FANCM: variants seen among roughly 807,000 people sequenced by gnomAD.
FANCM encodes FA complementation group M.
A neutral mutation model predicts 199.5 loss-of-function variants in FANCM; 140 were observed. That is an observed-to-expected ratio of 0.70 (90% CI 0.61 to 0.81). The LOEUF is 0.81. FANCM is among the 30% of genes least tolerant of loss of function. The pLI is 0.00. For synonymous variants in FANCM, 840 were observed against 836.8 expected (o/e 1.00, Z -0.07); for missense variants, 2,410 against 2,421.4 (o/e 1.00, Z 0.10).
rs745364887 is a variant in FANCM at position 45,196,396 on chromosome 14, C to T, written c.5565C>T (p.Tyr1855=). ...TTTGTCCTCTTAATGGCTGTGATTA[C>T]ATCGTGAGTAATCGCATGGTGGTGG... ...VEVCPLNGCD[Y]IVSNRMVVER... Residue 1855 remains tyrosine (Y), a synonymous_variant, in exon 21 of 23, where the codon TAC becomes TAT. Coordinates refer to ENST00000267430, the MANE Select transcript of FANCM (RefSeq NM_020937.4). 1.2e-6 allele frequency: 2 copies of T among 1,614,078 alleles called. No individual in the cohort carries two copies. Among genetic ancestry groups the T allele is most frequent in the South Asian group, 1.1e-5 (1 of 91,072 alleles).
At chr14:45,142,467 C>T (rs1414400853) in intron 3 of FANCM, among the ~76,000 whole-genome samples, 1 of 151,812 alleles carries the variant, frequency 6.6e-6, no homozygotes, top group South Asian at 2.1e-4. Context: ...CCACCATGCC[C>T]GGCTAATTTT....
intron 4 of FANCM, among the ~76,000 whole-genome samples, 187 bp from the exon 5 acceptor site, chr14:45,151,210 A>G (rs1189812744): frequency 1.3e-5 from 2 of 152,254 alleles, no homozygotes; most frequent in Admixed American, 1.3e-4. Flanking sequence ...GTTGATTTTT[A>G]TATGGATATT....
At chr14:45,187,717 AAT>A in intron 18 of FANCM, 62 bp from the exon 19 acceptor site, 1 of 750,880 alleles carries the variant, frequency 1.3e-6, no homozygotes, top group Non-Finnish European at 2.3e-6. Flanking sequence ...ATTGAAGTTA[AAT>A]ACTTTACTGG....
intron 13 of FANCM, among the ~76,000 whole-genome samples, chr14:45,173,567 T>G (rs759513479): frequency 6.6e-6 from 1 of 152,186 alleles, no homozygotes; most frequent in Non-Finnish European, 1.5e-5. Flanking sequence ...GTTTAGAGAA[T>G]TATAGATTCC....
At position 45,167,066 on chromosome 14, in the gene FANCM, A is replaced by G; in HGVS notation, c.1905A>G (p.Pro635=). The part of the protein sequence containing the change: ...SPRMVPDGIN[P]KLHKMFITHG... ...GAATGGTTCCTGATGGAATCAACCC[A>G]AAATTACACAAAATGTTCATCACAC... Residue 635 remains proline (P), a synonymous_variant, in exon 11 of 23, where the codon CCA becomes CCG. Coordinates refer to ENST00000267430, the MANE Select transcript of FANCM (RefSeq NM_020937.4). The G allele has an allele frequency of 6.2e-7, 1 of 1,613,612 alleles. No homozygotes were observed. The highest frequency in any genetic ancestry group is 8.5e-7 in the Non-Finnish European group (1 of 1,179,552).
chr14:45,152,185 C>T lies in FANCM; in HGVS notation c.1050+657C>T, dbSNP rs568581357. Reference sequence around the variant, plus strand: ...CTGGGACTACAGGCACGCATCACCACGCCTGGCTAATTTTTGTATTTTTTA... The same window carrying T: ...CTGGGACTACAGGCACGCATCACCATGCCTGGCTAATTTTTGTATTTTTTA... On this transcript the variant is annotated intron_variant, in intron 5 of 22. Coordinates refer to ENST00000267430, the MANE Select transcript of FANCM (RefSeq NM_020937.4). Among the ~76,000 whole-genome samples the T allele has an allele frequency of 5.3e-5, 8 of 151,910 alleles. No individual in the cohort carries two copies. In the East Asian group the frequency reaches 1.4e-3, roughly 26 times the overall value.
At chr14:45,161,718 A>G (rs2139196086) in intron 9 of FANCM, among the ~76,000 whole-genome samples, 1 of 152,250 alleles carries the variant, frequency 6.6e-6, no homozygotes, top group East Asian at 1.9e-4. Flanking sequence ...TCGAAGCTCC[A>G]GTGAGCCAAG....
At chr14:45,190,555 C>T (rs1163197033) in intron 20 of FANCM, among the ~76,000 whole-genome samples, 2 of 151,886 alleles carry the variant, frequency 1.3e-5, no homozygotes, top group African/African-American at 4.8e-5. Flanking sequence ...ATAATTTGAC[C>T]AACACCCTCC....
In FANCM at chr14:45,136,059, C is replaced by T; in HGVS notation, c.28C>T (p.Gln10Ter). Residue 10 changes from glutamine (Q) to a stop codon, truncating the protein, a stop_gained, in exon 1 of 23, where the codon CAG (glutamine) becomes TAG (stop). Transcript: ENST00000267430. LOFTEE classifies it high-confidence loss of function. ...GAGCGGACGGCAAAGAACGCTTTTTCAGACGTGGGGCTCAAGTATCTCCCG... is the reference window on the plus strand; with the variant it reads ...GAGCGGACGGCAAAGAACGCTTTTTTAGACGTGGGGCTCAAGTATCTCCCG... MSGRQRTLF[Q>*]TWGSSISRSS... 1.9e-6 allele frequency: 3 copies of T among 1,613,778 alleles called. No homozygotes were observed. Among genetic ancestry groups the T allele is most frequent in the Non-Finnish European group, 2.5e-6 (3 of 1,180,026 alleles).
chr14:45,167,318 A>T (rs1403822233), intron 11 of FANCM, 155 bp downstream of exon 11: 1 of 640,166 alleles, frequency 1.6e-6, no homozygotes, highest in Admixed American at 2.4e-5. Flanking sequence ...GAGATTATTC[A>T]TGTGGCAAAT....
intron 4 of FANCM, among the ~76,000 whole-genome samples, chr14:45,149,824 C>A (rs1886691706): frequency 6.6e-6 from 1 of 151,822 alleles, no homozygotes; most frequent in African/African-American, 2.4e-5. Flanking sequence ...ACAACAACAA[C>A]AAAAAGGCAG....
At chr14:45,149,786 T>C (rs911226710) in intron 4 of FANCM, among the ~76,000 whole-genome samples, 2 of 151,974 alleles carry the variant, frequency 1.3e-5, no homozygotes, top group African/African-American at 4.8e-5. Flanking sequence ...GGCAATGACT[T>C]GACACATTTT....
At chr14:45,137,989 T>C (rs1028893970) in intron 2 of FANCM, 1 of 152,126 alleles carries the variant, frequency 6.6e-6, no homozygotes, top group Non-Finnish European at 1.5e-5. Context: ...GTAGGATGAC[T>C]TCCAGATTTC....
intron 3 of FANCM, among the ~76,000 whole-genome samples, chr14:45,141,476 C>T (rs1264201148): frequency 4.2e-5 from 5 of 118,020 alleles, no homozygotes; most frequent in Admixed American, 3.3e-4. Context: ...CCCCTCCCCT[C>T]CCCTCCCCTC....
Position 45,173,155 on chromosome 14 carries a change from G to A in FANCM, c.2261G>A (p.Arg754Gln), listed in dbSNP as rs529256568. 81 of 1,613,654 alleles carry A rather than the reference G, an allele frequency of 5.0e-5. No homozygotes were observed. The highest frequency in any genetic ancestry group is 6.4e-5 in the Non-Finnish European group (76 of 1,179,658). Residue 754 changes from arginine to glutamine, a missense_variant, in exon 13 of 23, where the codon CGA (arginine) becomes CAA (glutamine). Transcript: ENST00000267430. ...LPTHQVDHSD[R>Q]CRHFIGLMQM... ...ACACATCAAGTTGATCACTCAGATCGATGCCGCCATTTTATAGGCCTTATG... is the reference window on the plus strand; with the variant it reads ...ACACATCAAGTTGATCACTCAGATCAATGCCGCCATTTTATAGGCCTTATG...
rs1483266363 is a variant in FANCM at position 45,156,586 on chromosome 14, A to G, written c.1396+1127A>G. On this transcript the variant is annotated intron_variant, in intron 8 of 22. Transcript: ENST00000267430. ...TATATGTTCAAATTGGAGCCAACTT[A>G]TTTATTGTATTTGTTGATGGATTAG... 3.9e-5 allele frequency among the ~76,000 whole-genome samples: 6 copies of G among 152,244 alleles called. No homozygotes were observed. In the South Asian group the frequency reaches 1.2e-3, roughly 32 times the overall value.
intron 2 of FANCM, 25 bp from the exon 3 acceptor site, chr14:45,140,607 A>G: frequency 2.3e-6 from 3 of 1,324,060 alleles, no homozygotes; most frequent in Non-Finnish European, 2.2e-6. Context: ...AACAGATGAA[A>G]CTAAAGAACT....
intron 9 of FANCM, 93 bp downstream of exon 9, chr14:45,159,373 G>A: frequency 1.2e-6 from 1 of 853,512 alleles, no homozygotes; most frequent in African/African-American, 1.7e-5. Flanking sequence ...TGGTCAATTA[G>A]CTACTTAAAA....
intron 3 of FANCM, among the ~76,000 whole-genome samples, chr14:45,143,072 G>A (rs10141474): frequency 0.16 from 24,277 of 151,352 alleles, 3,662 homozygotes; most frequent in African/African-American, 0.39. Flanking sequence ...TTTTCCTTCT[G>A]TGGGCCACAG....
Sources: gnomAD v4.1 joint callset for allele counts (sites outside exome capture counted in the v4.1 genomes callset) on GRCh38, gnomAD v4.1.1 for gene constraint, MANE v1.5 for transcripts, NCBI Gene and HGNC (gene_info 2026-07-23, HGNC 2026-07-21) for gene names.